CHCHD6: variants seen among roughly 807,000 people sequenced by gnomAD.
The protein encoded by CHCHD6 is MICOS complex subunit MIC25.
In CHCHD6, 28 loss-of-function variants were observed where a neutral mutation model predicts 32.3. The ratio of observed to expected loss-of-function variants is 0.87; its 90% confidence interval spans 0.64 to 1.19. The LOEUF is 1.19. Among genes scored for constraint, CHCHD6 ranks in the 50% most tolerant of loss-of-function variants. The pLI is 0.00. For missense variants in CHCHD6, 333 were observed against 307.0 expected, an observed-to-expected ratio of 1.08 and a Z score of -0.63; for synonymous variants, 122 against 117.5, an observed-to-expected ratio of 1.04 and a Z score of -0.25.
chr3:126,787,956 G>A (rs1938308423), intron 4 of CHCHD6, among the ~76,000 whole-genome samples: 1 of 152,156 alleles, frequency 6.6e-6, no homozygotes, highest in Admixed American at 6.5e-5. Context: ...GATATTGGCT[G>A]TGGGTTTGTC....
intron 1 of CHCHD6, among the ~76,000 whole-genome samples, chr3:126,721,643 T>C (rs1350969235): frequency 1.3e-5 from 2 of 152,174 alleles, no homozygotes; most frequent in African/African-American, 4.8e-5. Context: ...TAATAGTTTT[T>C]AGTGTATTCA....
At chr3:126,844,876 T>TA (rs1029604311) in intron 4 of CHCHD6, among the ~76,000 whole-genome samples, 23 of 152,212 alleles carry the variant, frequency 1.5e-4, no homozygotes, top group Middle Eastern at 3.4e-3. Context: ...GAAGATATGA[T>TA]AAGGGTAGCA....
intron 4 of CHCHD6, among the ~76,000 whole-genome samples, chr3:126,807,010 G>A (rs540172830): frequency 2.0e-4 from 27 of 135,312 alleles, no homozygotes; most frequent in Middle Eastern, 4.4e-3. Context: ...AGAACACATG[G>A]ACACAGGAAG....
chr3:126,786,744 A>G (rs1430119932), intron 4 of CHCHD6, among the ~76,000 whole-genome samples: 8 of 152,154 alleles, frequency 5.3e-5, no homozygotes, highest in South Asian at 2.1e-4. Context: ...AGATGAGTAG[A>G]TTGCAAAAAT....
At chr3:126,900,280 A>G (rs923614320) in intron 5 of CHCHD6, among the ~76,000 whole-genome samples, 5 of 152,154 alleles carry the variant, frequency 3.3e-5, no homozygotes, top group Admixed American at 2.6e-4. Flanking sequence ...TGAGCCTGGC[A>G]TGTATCGCCT....
At chr3:126,793,118 A>G (rs760531310) in intron 4 of CHCHD6, among the ~76,000 whole-genome samples, 3 of 152,132 alleles carry the variant, frequency 2.0e-5, no homozygotes, top group Non-Finnish European at 4.4e-5. Flanking sequence ...TTCTACCTAC[A>G]TAAATTTGCT....
At chr3:126,869,063 C>G (rs569684829) in intron 5 of CHCHD6, among the ~76,000 whole-genome samples, 6 of 152,306 alleles carry the variant, frequency 3.9e-5, no homozygotes, top group Admixed American at 2.6e-4. Flanking sequence ...AGTTAAAAAA[C>G]ACTGTGAAAG....
At chr3:126,916,695 TC>T (rs2107591424) in intron 6 of CHCHD6, among the ~76,000 whole-genome samples, 1 of 152,240 alleles carries the variant, frequency 6.6e-6, no homozygotes, top group East Asian at 1.9e-4. Context: ...TCTGAAGGGT[TC>T]CCCCCGGTAT....
intron 5 of CHCHD6, among the ~76,000 whole-genome samples, chr3:126,905,352 CTTG>C (rs1274872367): frequency 6.6e-6 from 1 of 152,120 alleles, no homozygotes; most frequent in Non-Finnish European, 1.5e-5. Context: ...CAGAGATGAC[CTTG>C]TTGTTGGGTC....
At chr3:126,732,771 GC>G (rs1935868036) in intron 3 of CHCHD6, among the ~76,000 whole-genome samples, 1 of 152,232 alleles carries the variant, frequency 6.6e-6, no homozygotes, top group Non-Finnish European at 1.5e-5. Context: ...CGTGGATTGA[GC>G]CCCTCCCTGA....
At chr3:126,915,522 C>A (rs191763180) in intron 6 of CHCHD6, among the ~76,000 whole-genome samples, 20 of 152,282 alleles carry the variant, frequency 1.3e-4, no homozygotes, top group Admixed American at 2.0e-4. Context: ...ATAAATTAGC[C>A]AAGGGGCTAC....
At chr3:126,799,007 C>T (rs1265738160) in intron 4 of CHCHD6, among the ~76,000 whole-genome samples, 1 of 152,226 alleles carries the variant, frequency 6.6e-6, no homozygotes, top group Non-Finnish European at 1.5e-5. Context: ...TCTATGCCCT[C>T]TGGTGCTGGT....
intron 4 of CHCHD6, among the ~76,000 whole-genome samples, chr3:126,819,950 G>C (rs900366419): frequency 1.1e-4 from 17 of 152,338 alleles, no homozygotes; most frequent in African/African-American, 3.6e-4. Flanking sequence ...TCTGGGCTTT[G>C]TTTCATCATA....
chr3:126,911,644 T>G (rs560430979), intron 5 of CHCHD6, among the ~76,000 whole-genome samples: 1 of 152,396 alleles, frequency 6.6e-6, no homozygotes, highest in Admixed American at 6.5e-5. Flanking sequence ...CCGCCACTTC[T>G]TGGCCTGTGG....
Position 126,748,468 on chromosome 3 carries a change from G to A in CHCHD6, c.411+15246G>A, listed in dbSNP as rs150648826. Among the ~76,000 whole-genome samples, 294 of 152,054 alleles carry A rather than the reference G, an allele frequency of 1.9e-3. 1 individual carries two copies. Among genetic ancestry groups the A allele is most frequent in the African/African-American group, 5.4e-3 (222 of 41,492 alleles). On this transcript the variant is annotated intron_variant, in intron 4 of 7. Transcript: ENST00000290913. ...AAATTAGCTGGGCGTGGTGGTGGGCGCTGGTAATCTCAGCCACTTGGGAGG... is the reference window on the plus strand; with the variant it reads ...AAATTAGCTGGGCGTGGTGGTGGGCACTGGTAATCTCAGCCACTTGGGAGG...
At chr3:126,857,718 A>G (rs773910682) in intron 5 of CHCHD6, among the ~76,000 whole-genome samples, 6 of 152,230 alleles carry the variant, frequency 3.9e-5, no homozygotes, top group Non-Finnish European at 5.9e-5. Context: ...GCCTCACTAC[A>G]TATCAGGGAA....
At chr3:126,716,659 T>TA (rs948375921) in intron 1 of CHCHD6, among the ~76,000 whole-genome samples, 34 of 152,272 alleles carry the variant, frequency 2.2e-4, no homozygotes, top group African/African-American at 7.5e-4. Context: ...GCCCTGAAGA[T>TA]ACAGCAGGAG....
At chr3:126,710,879 A>C (rs1356896955) in intron 1 of CHCHD6, among the ~76,000 whole-genome samples, 1 of 152,190 alleles carries the variant, frequency 6.6e-6, no homozygotes, top group South Asian at 2.1e-4. Flanking sequence ...GTTGTTTACA[A>C]ATAAAGACTG....
intron 4 of CHCHD6, among the ~76,000 whole-genome samples, chr3:126,830,971 G>A (rs945795500): frequency 7.9e-5 from 12 of 152,052 alleles, no homozygotes; most frequent in African/African-American, 2.2e-4. Flanking sequence ...GGGCCTGCTC[G>A]GGGGCCGCAC....
Sources: allele counts gnomAD v4.1 joint callset (sites outside exome capture counted in the v4.1 genomes callset), GRCh38; gene constraint gnomAD v4.1.1; transcripts MANE v1.5; gene names NCBI Gene and HGNC (gene_info 2026-07-23, HGNC 2026-07-21).